COG7: variants seen among roughly 807,000 people sequenced by gnomAD.
The protein encoded by COG7 is conserved oligomeric Golgi complex subunit 7.
A neutral mutation model predicts 91.5 loss-of-function variants in COG7; 49 were observed. The ratio of observed to expected loss-of-function variants is 0.54; its 90% confidence interval spans 0.43 to 0.68. The LOEUF is 0.68. COG7 is among the 30% of genes least tolerant of loss of function. COG7 has a pLI of 0.00. For synonymous variants in COG7, 365 were observed against 388.7 expected (o/e 0.94, Z 0.72); for missense variants, 895 against 961.3 (o/e 0.93, Z 0.91).
rs543385483 is a variant in COG7, at chr16:23,445,732, T to C, written c.318+81A>G. 30 of 1,421,750 alleles carry C rather than the reference T, an allele frequency of 2.1e-5. 1 individual carries two copies. The highest frequency in any genetic ancestry group is 3.5e-4 in the Middle Eastern group (2 of 5,676). 88.1% of individuals were successfully genotyped at this position (1,421,750 alleles called of 1,614,324 possible). On this transcript the variant is annotated intron_variant, in intron 2 of 16. Coordinates refer to ENST00000307149, the MANE Select transcript of COG7 (RefSeq NM_153603.4). Reference sequence around the variant, plus strand: ...GTTGGCCTCCCAAAACACCGTGCTGTTCTAAAGCCCTTACGAGAGTGACCA... The same window carrying C: ...GTTGGCCTCCCAAAACACCGTGCTGCTCTAAAGCCCTTACGAGAGTGACCA...
chr16:23,421,850 C>CAAAAA (rs369425955), intron 7 of COG7, among the ~76,000 whole-genome samples: 3 of 47,624 alleles, frequency 6.3e-5, no homozygotes, highest in Non-Finnish European at 8.8e-5. Flanking sequence ...GACTCCATCT[C>CAAAAA]AAAAAAAAAA....
At chr16:23,404,810 T>C (rs1485432343) in intron 12 of COG7, among the ~76,000 whole-genome samples, 1 of 152,150 alleles carries the variant, frequency 6.6e-6, no homozygotes, top group Non-Finnish European at 1.5e-5. Flanking sequence ...ATCCCAGCTA[T>C]TCAGGAGGCT....
At chr16:23,451,309 G>A (rs145793932) in intron 1 of COG7, among the ~76,000 whole-genome samples, 3 of 152,334 alleles carry the variant, frequency 2.0e-5, no homozygotes, top group East Asian at 1.9e-4. Context: ...TGTGCAGTAC[G>A]TACTGAATCA....
chr16:23,429,529 C>T (rs746792061), intron 6 of COG7, among the ~76,000 whole-genome samples: 2 of 151,942 alleles, frequency 1.3e-5, no homozygotes, highest in Admixed American at 1.3e-4. Context: ...TTTGGGAGGC[C>T]GAGGTGGGCA....
chr16:23,399,149 A>G (rs1355043302), intron 13 of COG7, among the ~76,000 whole-genome samples: 1 of 152,172 alleles, frequency 6.6e-6, no homozygotes, highest in Non-Finnish European at 1.5e-5. Context: ...AGGAATGACC[A>G]TGTCCAACCC....
intron 6 of COG7, among the ~76,000 whole-genome samples, chr16:23,425,513 ATT>A (rs1963832220): frequency 6.6e-6 from 1 of 151,638 alleles, no homozygotes; most frequent in South Asian, 2.1e-4. Flanking sequence ...ATTTTATTTT[ATT>A]TTTTTGTAGA....
chr16:23,403,787 C>T lies in COG7; in HGVS notation c.1710G>A (p.Ala570=), dbSNP rs373689142. 40 of 1,614,090 alleles carry T rather than the reference C, an allele frequency of 2.5e-5. No individual in the cohort carries two copies. Among genetic ancestry groups the T allele is most frequent in the Admixed American group, 1.3e-4 (8 of 60,012 alleles). Residue 570 remains alanine (A), a synonymous_variant, in exon 13 of 17, where the codon GCG becomes GCA. Coordinates refer to ENST00000307149, the MANE Select transcript of COG7 (RefSeq NM_153603.4). ...NHNLLAAPRA[A]LTRLNQQAHQ... ...GGGCCTGCTGGTTAAGCCGAGTCAGCGCTGCTCGAGGTGCAGCCAGCAGGT... is the reference window on the plus strand; with the variant it reads ...GGGCCTGCTGGTTAAGCCGAGTCAGTGCTGCTCGAGGTGCAGCCAGCAGGT...
intron 6 of COG7, among the ~76,000 whole-genome samples, chr16:23,431,678 G>A (rs570418867): frequency 1.1e-4 from 17 of 151,692 alleles, no homozygotes; most frequent in Non-Finnish European, 1.9e-4. Context: ...GAGTGGTGGC[G>A]GATGCCTGTA....
chr16:23,409,765 A>G (rs1963532762), intron 11 of COG7, among the ~76,000 whole-genome samples: 1 of 152,124 alleles, frequency 6.6e-6, no homozygotes, highest in South Asian at 2.1e-4. Flanking sequence ...CAGGTATGAG[A>G]AGAGAGGAAG....
chr16:23,407,614 G>A (rs1271020504), intron 11 of COG7, among the ~76,000 whole-genome samples: 1 of 152,198 alleles, frequency 6.6e-6, no homozygotes, highest in African/African-American at 2.4e-5. Flanking sequence ...TCTTGCTTCT[G>A]TTCTGCATTT....
intron 15 of COG7, 116 bp from the exon 16 acceptor site, chr16:23,392,639 ACAT>A: frequency 5.6e-6 from 7 of 1,244,592 alleles, no homozygotes; most frequent in Non-Finnish European, 8.2e-6. Flanking sequence ...GAAAACAGTT[ACAT>A]CTTAGGGCCA....
Position 23,388,873 on chromosome 16 carries a change from G to T in COG7, c.*47C>A. 1.2e-6 allele frequency: 2 copies of T among 1,611,878 alleles called. No individual in the cohort carries two copies. Among genetic ancestry groups the T allele is most frequent in the Non-Finnish European group, 1.7e-6 (2 of 1,179,386 alleles). On this transcript the variant is annotated 3_prime_UTR_variant, in exon 17 of 17. Transcript: ENST00000307149. ...CTGAGCAAATCTGTGCTGGTGAGTC[G>T]CGAAACAGCAGCCCTGGCTCTCTTG...
rs780863769 is a variant in COG7, at chr16:23,413,527, G to A, written c.1330C>T (p.Arg444Ter). 19 of 1,611,052 alleles carry A rather than the reference G, an allele frequency of 1.2e-5. No individual in the cohort carries two copies. Among genetic ancestry groups the A allele is most frequent in the Admixed American group, 3.3e-5 (2 of 59,990 alleles). ...ATGTGGTCCAGTTTGCACTTCTTTCGTATGGACTGGAGAGTGCTGGTGAAA... is the reference window on the plus strand; with the variant it reads ...ATGTGGTCCAGTTTGCACTTCTTTCATATGGACTGGAGAGTGCTGGTGAAA... ...SDFTSTLQSI[R>*]KKCKLDHIPP... Residue 444 changes from arginine (R) to a stop codon, truncating the protein, a stop_gained, in exon 10 of 17, where the codon CGA becomes TGA. Transcript: ENST00000307149. LOFTEE classifies it high-confidence loss of function.
At chr16:23,413,260 T>C in intron 10 of COG7, 188 bp downstream of exon 10, 2 of 575,014 alleles carry the variant, frequency 3.5e-6, no homozygotes, top group Non-Finnish European at 6.3e-6. Flanking sequence ...GAGGGGTCTT[T>C]TTGTTGGTTG....
Position 23,406,222 on chromosome 16 carries a change from T to C in COG7, c.1516A>G (p.Ser506Gly). The change falls in exon 12 of 17, where the codon AGC (serine) becomes GGC (glycine). Residue 506 changes from serine to glycine, a missense_variant. Transcript: ENST00000307149. ...TGAAAACCAGCCAGGCTCCGGGGGCTGCAGGAATCAGATAGATACTTCCCA... is the reference window on the plus strand; with the variant it reads ...TGAAAACCAGCCAGGCTCCGGGGGCCGCAGGAATCAGATAGATACTTCCCA... ...TAGKYLSDSCSPRSLAGFQES... is the reference protein window; with the variant it reads ...TAGKYLSDSCGPRSLAGFQES... 1 of 1,614,206 alleles carries C rather than the reference T, an allele frequency of 6.2e-7. No individual in the cohort carries two copies. The highest frequency in any genetic ancestry group is 1.1e-5 in the South Asian group (1 of 91,078).
intron 6 of COG7, among the ~76,000 whole-genome samples, chr16:23,429,575 C>A (rs1038171987): frequency 4.6e-5 from 7 of 151,978 alleles, no homozygotes; most frequent in Non-Finnish European, 8.8e-5. Flanking sequence ...ACCAGCCTGG[C>A]CAGCATGAAG....
At chr16:23,424,025 G>A (rs1484274716) in intron 7 of COG7, among the ~76,000 whole-genome samples, 1 of 152,204 alleles carries the variant, frequency 6.6e-6, no homozygotes, top group African/African-American at 2.4e-5. Flanking sequence ...TGTAGGCTGG[G>A]CACAGTGGCT....
chr16:23,418,203 G>A (rs1359544892), intron 8 of COG7, among the ~76,000 whole-genome samples: 1 of 152,180 alleles, frequency 6.6e-6, no homozygotes, highest in African/African-American at 2.4e-5. Flanking sequence ...CTTCATTGGG[G>A]ATTTTAAATA....
At chr16:23,445,699 G>T in intron 2 of COG7, 114 bp downstream of exon 2, 1 of 1,045,286 alleles carries the variant, frequency 9.6e-7, no homozygotes, top group Non-Finnish European at 1.5e-6. Flanking sequence ...GCAGAATCTT[G>T]AGTGATGGTT....
Sources: gnomAD v4.1 joint callset for allele counts (sites outside exome capture counted in the v4.1 genomes callset) on GRCh38, gnomAD v4.1.1 for gene constraint, MANE v1.5 for transcripts, NCBI Gene and HGNC (gene_info 2026-07-23, HGNC 2026-07-21) for gene names.